Variants in RORA observed in about 807,000 individuals in gnomAD.
The protein encoded by RORA is RAR related orphan receptor A.
RORA carries 7 observed loss-of-function variants against 69.5 expected under a neutral mutation model. The ratio of observed to expected loss-of-function variants is 0.10; its 90% CI spans 0.06 to 0.19. The LOEUF is 0.19. RORA is among the 10% of genes least tolerant of loss of function. RORA has a pLI of 1.00. For synonymous variants in RORA, 261 were observed against 240.8 expected, an observed-to-expected ratio of 1.08 and a Z score of -0.78; for missense variants, 457 against 663.0, an observed-to-expected ratio of 0.69 and a Z score of 3.41.
At chr15:60,627,413 G>A in intron 2 of RORA, 6 of 1,612,880 alleles carry the variant, frequency 3.7e-6, no homozygotes, top group Non-Finnish European at 5.1e-6. Flanking sequence ...AGAAACTGGG[G>A]CTGTGCTTTG....
At chr15:60,662,665 G>A (rs1315091542) in intron 2 of RORA, among the ~76,000 whole-genome samples, 2 of 151,216 alleles carry the variant, frequency 1.3e-5, no homozygotes, top group African/African-American at 4.9e-5. Context: ...TTTTTCTTCA[G>A]TATGTGCAAT....
At chr15:60,924,371 G>A (rs1202280372) in intron 1 of RORA, among the ~76,000 whole-genome samples, 3 of 61,658 alleles carry the variant, frequency 4.9e-5, no homozygotes, top group African/African-American at 1.1e-4. Context: ...GCTAATATAC[G>A]CTTATAGTCT....
chr15:60,516,475 T>C (rs1471170780), intron 3 of RORA, among the ~76,000 whole-genome samples: 2 of 150,750 alleles, frequency 1.3e-5, no homozygotes, highest in Non-Finnish European at 2.9e-5. Flanking sequence ...AGTAGAGTCA[T>C]TTCCATGAAG....
chr15:61,220,094 C>T (rs765718889), intron 1 of RORA, among the ~76,000 whole-genome samples: 5 of 152,220 alleles, frequency 3.3e-5, no homozygotes, highest in Non-Finnish European at 7.3e-5. Context: ...ATCCAAAGCA[C>T]GTGATGAGTG....
chr15:61,185,355 A>G (rs1338710989), intron 1 of RORA, among the ~76,000 whole-genome samples: 3 of 150,866 alleles, frequency 2.0e-5, no homozygotes, highest in Non-Finnish European at 3.0e-5. Context: ...AGAGGACAAG[A>G]AATGAATTTA....
chr15:60,504,438 T>C (rs1215668404), intron 6 of RORA, among the ~76,000 whole-genome samples: 1 of 152,006 alleles, frequency 6.6e-6, no homozygotes, highest in East Asian at 1.9e-4. Flanking sequence ...TCCCAGCTAC[T>C]TGGGAAGCTG....
intron 1 of RORA, among the ~76,000 whole-genome samples, chr15:60,949,745 C>G (rs1459294764): frequency 6.6e-6 from 1 of 152,194 alleles, no homozygotes; most frequent in African/African-American, 2.4e-5. Flanking sequence ...ATTACATTTC[C>G]CATGTTGCTC....
intron 1 of RORA, among the ~76,000 whole-genome samples, chr15:61,153,601 G>A (rs2079416588): frequency 6.6e-6 from 1 of 152,144 alleles, no homozygotes; most frequent in Non-Finnish European, 1.5e-5. Flanking sequence ...CTAATTACAG[G>A]GCATCGACTT....
intron 2 of RORA, among the ~76,000 whole-genome samples, chr15:60,597,463 C>T (rs1332403000): frequency 7.2e-6 from 1 of 138,896 alleles, no homozygotes; most frequent in Non-Finnish European, 1.5e-5. Flanking sequence ...CTTTATGTCC[C>T]CATGCTGTGT....
chr15:61,172,557 G>A (rs1178686242), intron 1 of RORA, among the ~76,000 whole-genome samples: 1 of 152,136 alleles, frequency 6.6e-6, no homozygotes, highest in East Asian at 1.9e-4. Flanking sequence ...AAGGGGGATA[G>A]GTCTCAGGGC....
chr15:60,828,445 T>C (rs1442112887), intron 1 of RORA, among the ~76,000 whole-genome samples: 3 of 152,166 alleles, frequency 2.0e-5, no homozygotes, highest in Admixed American at 6.5e-5. Flanking sequence ...GAAGACACTC[T>C]AGTGCACGTA....
At chr15:60,841,733 T>C (rs575685610) in intron 1 of RORA, among the ~76,000 whole-genome samples, 50 of 152,280 alleles carry the variant, frequency 3.3e-4, no homozygotes, top group African/African-American at 1.2e-3. Context: ...CCTCGTTCTC[T>C]CCTCCCCGTC....
At chr15:61,093,600 A>T (rs996631135) in intron 1 of RORA, among the ~76,000 whole-genome samples, 1 of 152,256 alleles carries the variant, frequency 6.6e-6, no homozygotes, top group Admixed American at 6.5e-5. Flanking sequence ...GTAACTAAAG[A>T]TGATGGGTCA....
intron 1 of RORA, among the ~76,000 whole-genome samples, chr15:60,731,325 T>C (rs1201843425): frequency 6.6e-6 from 1 of 152,222 alleles, no homozygotes; most frequent in African/African-American, 2.4e-5. Context: ...TCTTTAAACA[T>C]GCATATGTGT....
At chr15:61,227,579 G>C (rs911807919) in intron 1 of RORA, among the ~76,000 whole-genome samples, 1 of 149,900 alleles carries the variant, frequency 6.7e-6, no homozygotes, top group Non-Finnish European at 1.5e-5. Flanking sequence ...GGCTAAGGTG[G>C]GGGGGGGGAT....
chr15:60,872,886 G>C (rs573214485), intron 1 of RORA, among the ~76,000 whole-genome samples: 7 of 152,030 alleles, frequency 4.6e-5, no homozygotes, highest in African/African-American at 1.7e-4. Context: ...ATATTGTTTA[G>C]TGCTATGTGC....
At chr15:60,724,837 A>G (rs1477654952) in intron 1 of RORA, among the ~76,000 whole-genome samples, 1 of 152,138 alleles carries the variant, frequency 6.6e-6, no homozygotes, top group Non-Finnish European at 1.5e-5. Flanking sequence ...TCCGGTGAAT[A>G]CTGTGCCTGA....
chr15:60,851,009 T>C (rs531717479), intron 1 of RORA, among the ~76,000 whole-genome samples: 1 of 152,194 alleles, frequency 6.6e-6, no homozygotes, highest in African/African-American at 2.4e-5. Flanking sequence ...TCATTCAGTC[T>C]GTTGCTGAGT....
intron 2 of RORA, among the ~76,000 whole-genome samples, chr15:60,546,716 G>A (rs992731633): frequency 2.0e-5 from 3 of 152,128 alleles, no homozygotes; most frequent in Non-Finnish European, 4.4e-5. Context: ...CCGAGTTTGC[G>A]TAACAGAGGT....
Sources: allele counts gnomAD v4.1 joint callset (sites outside exome capture counted in the v4.1 genomes callset), GRCh38; gene constraint gnomAD v4.1.1; transcripts MANE v1.5; gene names NCBI Gene and HGNC (gene_info 2026-07-23, HGNC 2026-07-21).